Variants in DAPK2 observed in about 807,000 individuals in gnomAD.
The protein encoded by DAPK2 is death associated protein kinase 2, also known as death-associated protein kinase 2.
A neutral mutation model predicts 44.1 loss-of-function variants in DAPK2; 35 were observed. That is an observed-to-expected ratio of 0.79 (90% CI 0.61 to 1.05). DAPK2 has a LOEUF of 1.05. Among genes scored for constraint, DAPK2 ranks in the 50% least tolerant of loss-of-function variants. DAPK2 has a pLI of 0.00. For synonymous variants in DAPK2, 174 were observed against 182.6 expected, an observed-to-expected ratio of 0.95 and a Z score of 0.38; for missense variants, 453 against 483.2, an observed-to-expected ratio of 0.94 and a Z score of 0.59.
chr15:63,923,440 G>T lies in DAPK2; in HGVS notation c.858+1376C>A. The T allele has an allele frequency of 6.8e-7, 1 of 1,470,168 alleles. No homozygotes were observed. The highest frequency in any genetic ancestry group is 9.0e-7 in the Non-Finnish European group (1 of 1,114,242). The allele number at this position is 1,470,168 out of a possible 1,614,324, so 91.1% of individuals were successfully genotyped here. Reference sequence around the variant, plus strand: ...GGCAGAAGGCACACAAGCGGCCTCTGGCATTCACTGCATGCGTCAGGCCAT... The same window carrying T: ...GGCAGAAGGCACACAAGCGGCCTCTTGCATTCACTGCATGCGTCAGGCCAT... On this transcript the variant is annotated intron_variant, in intron 8 of 10. Transcript: ENST00000261891. This position sits in a 1 kb window ranked among gnomAD's most constrained non-coding sequence, Gnocchi z 4.2.
At chr15:63,959,785 A>G (rs866129471) in intron 3 of DAPK2, among the ~76,000 whole-genome samples, 1 of 152,096 alleles carries the variant, frequency 6.6e-6, no homozygotes, top group South Asian at 2.1e-4. Flanking sequence ...TTTTGCATCG[A>G]TGTTCATTGG....
intron 1 of DAPK2, among the ~76,000 whole-genome samples, chr15:63,992,392 C>G (rs1206938267): frequency 6.6e-6 from 1 of 152,134 alleles, no homozygotes; most frequent in Non-Finnish European, 1.5e-5. Flanking sequence ...TCCACCCATG[C>G]ATCCTCCTAA....
chr15:64,014,705 A>G (rs1360226629), intron 1 of DAPK2, among the ~76,000 whole-genome samples: 2 of 152,208 alleles, frequency 1.3e-5, no homozygotes, highest in African/African-American at 2.4e-5. Context: ...GGATCACCTG[A>G]GGTCAGGAGT....
At chr15:63,955,133 C>T (rs1052924928) in intron 3 of DAPK2, among the ~76,000 whole-genome samples, 4 of 152,140 alleles carry the variant, frequency 2.6e-5, no homozygotes, top group African/African-American at 9.7e-5. Flanking sequence ...AATTTGGACG[C>T]CCTTTATTTC....
At chr15:64,003,666 C>T (rs547576824) in intron 1 of DAPK2, among the ~76,000 whole-genome samples, 6 of 152,282 alleles carry the variant, frequency 3.9e-5, no homozygotes, top group South Asian at 2.1e-4. Flanking sequence ...AGTGCAGTGG[C>T]GCAATCTCAG....
chr15:64,002,888 G>A (rs2079118152), intron 1 of DAPK2, among the ~76,000 whole-genome samples: 1 of 151,818 alleles, frequency 6.6e-6, no homozygotes, highest in Admixed American at 6.6e-5. Context: ...GGGAGGAGGA[G>A]AGAGGGAGGG....
intron 1 of DAPK2, among the ~76,000 whole-genome samples, chr15:64,026,563 C>T (rs1340285923): frequency 2.0e-5 from 3 of 152,074 alleles, no homozygotes; most frequent in Non-Finnish European, 2.9e-5. Context: ...ACCTCTTAAG[C>T]CTCACTTTGG....
chr15:63,973,026 A>G (rs949662850), intron 2 of DAPK2, among the ~76,000 whole-genome samples: 1 of 152,210 alleles, frequency 6.6e-6, no homozygotes, highest in African/African-American at 2.4e-5. Context: ...GGGTGAAAAG[A>G]GGGGTGTCCC....
intron 1 of DAPK2, among the ~76,000 whole-genome samples, chr15:64,035,239 A>G (rs559342687): frequency 3.9e-5 from 6 of 152,278 alleles, no homozygotes; most frequent in Admixed American, 3.9e-4. Flanking sequence ...TCTTCATTAT[A>G]TGCTGCTTAC....
intron 1 of DAPK2, among the ~76,000 whole-genome samples, chr15:64,007,835 G>T (rs1291041105): frequency 2.0e-5 from 3 of 152,052 alleles, no homozygotes; most frequent in Non-Finnish European, 2.9e-5. Flanking sequence ...ATATTATTTG[G>T]CAATTAAAAG....
At chr15:64,002,952 GTGTGTGTGTGTGTCGTGGGACC>G (rs2079125199) in intron 1 of DAPK2, among the ~76,000 whole-genome samples, 1 of 130,758 alleles carries the variant, frequency 7.6e-6, no homozygotes, top group Admixed American at 7.8e-5. Context: ...GTGTGTGTGT[GTGTGTGTGTGTGTCGTGGGACC>G]TGTGTGTGTG....
At chr15:63,907,541 C>T (rs2078689323) in exon 11 of DAPK2, 1 of 152,158 alleles carries the variant, frequency 6.6e-6, no homozygotes, top group Non-Finnish European at 1.5e-5. Flanking sequence ...CACCTCAGCC[C>T]CTGGAGTAGC....
chr15:64,027,026 T>C (rs2079867014), intron 1 of DAPK2, among the ~76,000 whole-genome samples: 3 of 152,114 alleles, frequency 2.0e-5, no homozygotes, highest in African/African-American at 7.2e-5. Context: ...GGCAGATCAC[T>C]TGAGCCCAGG....
Position 64,046,007 on chromosome 15 carries a change from G to T in DAPK2, c.-7+291C>A, listed in dbSNP as rs2141244686. ...AGGGGGCCTAACTCGATGGACGTCT[G>T]TCTCCCATCTCCCTGCTGGGTGCTT... On this transcript the variant is annotated intron_variant, in intron 1 of 11. Transcript: ENST00000457488. The surrounding 1 kb of genome is among the most constrained non-coding windows in gnomAD (Gnocchi z 5.3). Among the ~76,000 whole-genome samples the T allele has an allele frequency of 6.6e-6, 1 of 152,338 alleles. No homozygotes were observed. Among genetic ancestry groups the T allele is most frequent in the Non-Finnish European group, 1.5e-5 (1 of 68,018 alleles).
At chr15:63,907,964 A>G (rs1211503109) in exon 11 of DAPK2, 1 of 152,290 alleles carries the variant, frequency 6.6e-6, no homozygotes, top group Admixed American at 6.5e-5. Context: ...CAAAATTACA[A>G]CATGGCGGGC....
Position 63,912,036 on chromosome 15 carries a change from G to A in DAPK2, c.949-45C>T, listed in dbSNP as rs761423297. ...GGAATCCCCAGGTGAGAATGTGCATGGAGACCCTGGAGAGCCAGAAACCCC... is the reference window on the plus strand; with the variant it reads ...GGAATCCCCAGGTGAGAATGTGCATAGAGACCCTGGAGAGCCAGAAACCCC... On this transcript the variant is annotated intron_variant, in intron 9 of 10. Transcript: ENST00000261891. The surrounding 1 kb of genome is among the most constrained non-coding windows in gnomAD (Gnocchi z 4.4). 18 of 1,599,908 alleles carry A rather than the reference G, an allele frequency of 1.1e-5. No individual in the cohort carries two copies. Among genetic ancestry groups the A allele is most frequent in the Non-Finnish European group, 1.5e-5 (18 of 1,173,032 alleles).
At chr15:64,022,111 C>T (rs995219261) in intron 1 of DAPK2, among the ~76,000 whole-genome samples, 1 of 152,158 alleles carries the variant, frequency 6.6e-6, no homozygotes, top group Non-Finnish European at 1.5e-5. Flanking sequence ...ATATTAGAAA[C>T]ACAAACCACA....
At chr15:63,991,565 CT>C (rs2078819667) in intron 1 of DAPK2, among the ~76,000 whole-genome samples, 1 of 146,792 alleles carries the variant, frequency 6.8e-6, no homozygotes, top group African/African-American at 2.5e-5. Flanking sequence ...AGCTGTGCTT[CT>C]TTTGGAGAGG....
At chr15:63,987,816 C>T (rs759858047) in intron 1 of DAPK2, among the ~76,000 whole-genome samples, 65 of 152,200 alleles carry the variant, frequency 4.3e-4, no homozygotes, top group Non-Finnish European at 8.8e-4. Flanking sequence ...AGCCCTACCA[C>T]TAACGAGCCA....
Sources: gnomAD v4.1 joint callset for allele counts (sites outside exome capture counted in the v4.1 genomes callset) on GRCh38, gnomAD v4.1.1 for gene constraint, Gnocchi (gnomAD v3.1) non-coding constraint, MANE v1.5 for transcripts, NCBI Gene and HGNC (gene_info 2026-07-23, HGNC 2026-07-21) for gene names.